PYM1: variants seen among roughly 807,000 people sequenced by gnomAD.
PYM1 encodes PYM1 exon junction complex associated factor.
A neutral mutation model predicts 20.7 loss-of-function variants in PYM1; 7 were observed. That is an observed-to-expected ratio of 0.34 (90% CI 0.19 to 0.64). The LOEUF (loss-of-function observed/expected upper bound fraction) is 0.64. Among genes scored for constraint, PYM1 ranks in the 30% least tolerant of loss-of-function variants. The probability of loss-of-function intolerance (pLI) is 0.74; values close to 1 mark genes in which losing one functional copy is unlikely to be tolerated. For missense variants in PYM1, 194 were observed against 250.0 expected (o/e 0.78, Z 1.51); for synonymous variants, 100 against 99.2 (o/e 1.01, Z -0.05).
chr12:55,907,195 G>A (rs919638793), intron 1 of PYM1, among the ~76,000 whole-genome samples: 5 of 151,706 alleles, frequency 3.3e-5, no homozygotes, highest in African/African-American at 1.2e-4. Context: ...CAGATGCGGC[G>A]GTTCACACCT....
intron 1 of PYM1, chr12:55,914,462 C>T: frequency 1.5e-6 from 1 of 649,324 alleles, no homozygotes; most frequent in Non-Finnish European, 2.8e-6. Flanking sequence ...CTGTAAGAAT[C>T]TTTTTAAGCT....
chr12:55,905,776 ATATAT>A (rs987220082), intron 1 of PYM1, among the ~76,000 whole-genome samples: 1 of 133,616 alleles, frequency 7.5e-6, no homozygotes, highest in African/African-American at 2.7e-5. Context: ...TATATTATAT[ATATAT>A]TATTATTATT....
chr12:55,905,910 TATATATATTATTATATATATCTAATAG>T (rs1882800306), intron 1 of PYM1, among the ~76,000 whole-genome samples: 1 of 116,532 alleles, frequency 8.6e-6, no homozygotes, highest in African/African-American at 3.5e-5. Context: ...ATCTAATAGA[TATATATATTATTATATATATCTAATAG>T]ATATATATAT....
chr12:55,923,502 C>CAGAAGT (rs1164417196), intron 1 of PYM1, among the ~76,000 whole-genome samples: 1 of 148,656 alleles, frequency 6.7e-6, no homozygotes, highest in Non-Finnish European at 1.5e-5. Context: ...GAAGTTAAGA[C>CAGAAGT]TACAGTAAAT....
At chr12:55,927,623 G>T in intron 1 of PYM1, 102 bp downstream of exon 1, 1 of 1,427,470 alleles carries the variant, frequency 7.0e-7, no homozygotes, top group South Asian at 1.3e-5. Flanking sequence ...TAAGAAGGTG[G>T]GGAGGTCGAA....
At chr12:55,904,432 A>G (rs1223240361) in intron 1 of PYM1, among the ~76,000 whole-genome samples, 1 of 150,990 alleles carries the variant, frequency 6.6e-6, no homozygotes, top group Non-Finnish European at 1.5e-5. Context: ...TCTCTAATAA[A>G]AATACAAAAA....
At chr12:55,911,713 C>T (rs1340401570) in intron 1 of PYM1, among the ~76,000 whole-genome samples, 1 of 151,310 alleles carries the variant, frequency 6.6e-6, no homozygotes, top group African/African-American at 2.4e-5. Context: ...TGGTGGCGGG[C>T]GCCTGTAATC....
intron 1 of PYM1, among the ~76,000 whole-genome samples, chr12:55,905,873 C>CTATTAGATATATATATTATTATATA (rs1882795100): frequency 8.7e-6 from 1 of 115,306 alleles, no homozygotes; most frequent in Non-Finnish European, 1.7e-5. Context: ...ATATATATAT[C>CTATTAGATATATATATTATTATATA]TATTAGATAT....
chr12:55,911,200 C>A (rs1882916627), intron 1 of PYM1, among the ~76,000 whole-genome samples: 1 of 152,154 alleles, frequency 6.6e-6, no homozygotes, highest in African/African-American at 2.4e-5. Context: ...CCTCCGCCTC[C>A]CAGGTTCAAA....
intron 1 of PYM1, among the ~76,000 whole-genome samples, chr12:55,917,847 C>G (rs1883033982): frequency 6.6e-6 from 1 of 152,044 alleles, no homozygotes; most frequent in Admixed American, 6.6e-5. Flanking sequence ...GTAATCCCAG[C>G]TACTTGGGAT....
Position 55,903,335 on chromosome 12 carries a change from C to A in PYM1, c.131+52G>T, listed in dbSNP as rs1882728470. On this transcript the variant is annotated intron_variant, in intron 2 of 2. Coordinates refer to ENST00000408946, the MANE Select transcript of PYM1 (RefSeq NM_032345.3). ...ACTTGTAGGCATAAGGATATTCTATCCTTCTGTAGGGACCCCATCAGAAAA... is the reference window on the plus strand; with the variant it reads ...ACTTGTAGGCATAAGGATATTCTATACTTCTGTAGGGACCCCATCAGAAAA... 4.6e-6 allele frequency: 7 copies of A among 1,525,204 alleles called. No individual in the cohort carries two copies. In the South Asian group the frequency reaches 6.8e-5, roughly 15 times the overall value. The allele number at this position is 1,525,204 out of a possible 1,614,324, so 94.5% of individuals were successfully genotyped here. A position where few individuals can be genotyped will look rare whatever the true frequency, so the allele number is the denominator to read the frequency against.
Position 55,901,455 on chromosome 12 carries a change from A to T in PYM1, c.*417T>A. The T allele has an allele frequency of 6.3e-6, 1 of 159,100 alleles. No individual in the cohort carries two copies. 9.9% of individuals were successfully genotyped at this position (159,100 alleles called of 1,614,324 possible). On this transcript the variant is annotated 3_prime_UTR_variant, in exon 3 of 3. Transcript: ENST00000408946. Reference sequence around the variant, plus strand: ...TTATTCTCATTTTTGCTTTTTTTAAAAAAAAAAAAAAAATGAGGGATGGAG... The same window carrying T: ...TTATTCTCATTTTTGCTTTTTTTAATAAAAAAAAAAAAATGAGGGATGGAG...
chr12:55,903,537 T>C, intron 1 of PYM1, 57 bp from the exon 2 acceptor site: 3 of 1,552,128 alleles, frequency 1.9e-6, no homozygotes, highest in South Asian at 2.2e-5. Flanking sequence ...TTTTACAAGA[T>C]GAGACAAGAA....
intron 1 of PYM1, among the ~76,000 whole-genome samples, chr12:55,924,738 G>A (rs1188843409): frequency 6.6e-6 from 1 of 152,144 alleles, no homozygotes; most frequent in Non-Finnish European, 1.5e-5. Flanking sequence ...GTGCAGTGGT[G>A]CGAACTCAGC....
chr12:55,906,631 T>C (rs1882821404), intron 1 of PYM1, among the ~76,000 whole-genome samples: 1 of 152,006 alleles, frequency 6.6e-6, no homozygotes, highest in Admixed American at 6.6e-5. Context: ...TAGAGTATGG[T>C]ACTATTTTAT....
At chr12:55,925,415 G>A (rs1039714671) in intron 1 of PYM1, among the ~76,000 whole-genome samples, 4 of 152,180 alleles carry the variant, frequency 2.6e-5, no homozygotes, top group African/African-American at 4.8e-5. Flanking sequence ...TGAGATCCAG[G>A]TTGTAGTGAT....
At chr12:55,913,639 A>C (rs1882960811) in intron 1 of PYM1, 2 of 152,236 alleles carry the variant, frequency 1.3e-5, no homozygotes, top group African/African-American at 4.8e-5. Context: ...ACAGGTAATG[A>C]AAGGAAAATG....
chr12:55,915,506 T>G (rs1882990525), intron 1 of PYM1, among the ~76,000 whole-genome samples: 1 of 148,636 alleles, frequency 6.7e-6, no homozygotes, highest in African/African-American at 2.5e-5. Flanking sequence ...AGGCAGAGGT[T>G]GCAGATCATG....
At chr12:55,927,405 C>G (rs746210988) in intron 1 of PYM1, 1 of 713,212 alleles carries the variant, frequency 1.4e-6, no homozygotes, top group South Asian at 1.5e-5. Flanking sequence ...CCAGGAACTC[C>G]TCGTACGTCC....
Sources: gnomAD v4.1 joint callset for allele counts (sites outside exome capture counted in the v4.1 genomes callset) on GRCh38, gnomAD v4.1.1 for gene constraint, MANE v1.5 for transcripts, NCBI Gene and HGNC (gene_info 2026-07-23, HGNC 2026-07-21) for gene names.